Variants in MME observed in about 807,000 individuals in gnomAD.
The protein encoded by MME is neprilysin.
MME carries 98 observed loss-of-function variants against 113.2 expected under a neutral mutation model. That is an observed-to-expected ratio of 0.87 (90% CI 0.74 to 1.02). The LOEUF (loss-of-function observed/expected upper bound fraction) is 1.02, where lower values mean the gene tolerates loss of function less well. Ranked by LOEUF, MME falls within the 50% of genes least tolerant of loss-of-function variation. The pLI, the probability that MME is intolerant of heterozygous loss-of-function variation, is 0.00. For synonymous variants in MME, 292 were observed against 300.6 expected, an observed-to-expected ratio of 0.97 and a Z score of 0.30; for missense variants, 836 against 896.0, an observed-to-expected ratio of 0.93 and a Z score of 0.86.
At chr3:155,088,765 A>C (rs1011334548) in intron 3 of MME, among the ~76,000 whole-genome samples, 11 of 152,142 alleles carry the variant, frequency 7.2e-5, no homozygotes, top group African/African-American at 2.7e-4. Flanking sequence ...GCAAGTCTAT[A>C]GGTCACTTTA....
At chr3:155,077,419 C>T (rs1171195452), upstream of MME, among the ~76,000 whole-genome samples, 1 of 152,102 alleles carries the variant, frequency 6.6e-6, no homozygotes, top group East Asian at 1.9e-4. Context: ...CTCAGTAAGC[C>T]TCAGTTGTCT....
intron 22 of MME, among the ~76,000 whole-genome samples, chr3:155,175,177 G>C (rs1712398658): frequency 6.6e-6 from 1 of 151,658 alleles, no homozygotes; most frequent in African/African-American, 2.4e-5. Context: ...ATTAGTTATG[G>C]TTTTACTGTT....
chr3:155,172,473 TCAAA>T (rs773476013), intron 21 of MME, 59 bp from the exon 22 acceptor site: 410 of 1,326,786 alleles, frequency 3.1e-4, no homozygotes, highest in Non-Finnish European at 3.8e-4. Flanking sequence ...CTCAACTTGC[TCAAA>T]CAAATAATCC....
chr3:155,067,613 T>C (rs1714428716), intron 1 of MME, among the ~76,000 whole-genome samples: 1 of 152,058 alleles, frequency 6.6e-6, no homozygotes, highest in African/African-American at 2.4e-5. Context: ...CCGGCCCTTA[T>C]TTTCCTTTTG....
upstream of MME, among the ~76,000 whole-genome samples, chr3:155,075,734 G>T (rs1380658841): frequency 1.3e-5 from 2 of 152,040 alleles, no homozygotes; most frequent in Non-Finnish European, 2.9e-5. Context: ...TGTTGCTCAG[G>T]CTGGTCTCAA....
intron 8 of MME, among the ~76,000 whole-genome samples, chr3:155,124,604 A>C (rs547559752): frequency 6.6e-6 from 1 of 151,988 alleles, no homozygotes; most frequent in Non-Finnish European, 1.5e-5. Context: ...TTTGGTGTGG[A>C]TGTCCTTTCT....
intron 22 of MME, among the ~76,000 whole-genome samples, chr3:155,177,663 C>T (rs1231846098): frequency 6.6e-6 from 1 of 152,148 alleles, no homozygotes; most frequent in Non-Finnish European, 1.5e-5. Flanking sequence ...TCTCCTTGTA[C>T]TCTCACATGG....
intron 1 of MME, among the ~76,000 whole-genome samples, chr3:155,064,333 T>C (rs1033571582): frequency 3.3e-5 from 5 of 152,074 alleles, no homozygotes; most frequent in Non-Finnish European, 5.9e-5. Context: ...TATGTATATA[T>C]GTAAGCACTG....
rs73874484 is a variant in MME, at chr3:155,053,944, C to G, written c.-11+29620C>G. ...TTTGCACTTGCTTCAAACCAGTAACCCTTTTATAACTTCCAATTTCTCCCT... is the reference window on the plus strand; with the variant it reads ...TTTGCACTTGCTTCAAACCAGTAACGCTTTTATAACTTCCAATTTCTCCCT... On this transcript the variant is annotated intron_variant, in intron 1 of 22. Transcript: ENST00000492661. Among the ~76,000 whole-genome samples, 326 of 152,252 alleles carry G rather than the reference C, an allele frequency of 2.1e-3. 1 individual carries two copies. Among genetic ancestry groups the G allele is most frequent in the African/African-American group, 7.6e-3 (314 of 41,544 alleles).
At chr3:155,127,980 A>T (rs1442364279) in intron 8 of MME, among the ~76,000 whole-genome samples, 1 of 152,224 alleles carries the variant, frequency 6.6e-6, no homozygotes, top group African/African-American at 2.4e-5. Flanking sequence ...TCTGAATCAG[A>T]CTAGCAAACA....
intron 17 of MME, among the ~76,000 whole-genome samples, chr3:155,166,453 A>G (rs61760391): frequency 1.3e-5 from 2 of 152,196 alleles, no homozygotes; most frequent in East Asian, 1.9e-4. Flanking sequence ...AATTTCTGCA[A>G]TAACATTAAA....
chr3:155,049,663 CTATCTATCTATA>C (rs1713689283), intron 1 of MME, among the ~76,000 whole-genome samples: 2 of 136,486 alleles, frequency 1.5e-5, no homozygotes, highest in Non-Finnish European at 3.3e-5. Flanking sequence ...ATCTATCTAT[CTATCTATCTATA>C]TATAGAGAGA....
intron 1 of MME, among the ~76,000 whole-genome samples, chr3:155,028,615 C>T (rs1249188249): frequency 1.3e-5 from 2 of 152,102 alleles, no homozygotes; most frequent in African/African-American, 2.4e-5. Flanking sequence ...TTTTCCAAGT[C>T]TTGTATCTTG....
At chr3:155,106,969 A>G (rs1374891321) in intron 3 of MME, among the ~76,000 whole-genome samples, 3 of 152,240 alleles carry the variant, frequency 2.0e-5, no homozygotes, top group Non-Finnish European at 4.4e-5. Flanking sequence ...GGGGTTAGGA[A>G]GCTGAGAGCT....
At position 155,183,516 on chromosome 3, in the gene MME, G is replaced by A. The variant is rs1293184567; in HGVS notation, c.*3057G>A. ...TGCTGTTACTGTTAACCATTTAAGT[G>A]GGGCAAAACCTTGCTAATTTTCTCA... On this transcript the variant is annotated 3_prime_UTR_variant, in exon 23 of 23. Coordinates refer to ENST00000360490, the MANE Select transcript of MME (RefSeq NM_007289.4). The A allele has an allele frequency of 6.6e-6, 1 of 152,128 alleles. No individual in the cohort carries two copies. The highest frequency in any genetic ancestry group is 1.5e-5 in the Non-Finnish European group (1 of 68,028). The allele number at this position is 152,128 out of a possible 1,614,324, so 9.4% of individuals were successfully genotyped here.
chr3:155,131,482 T>C (rs1720141338), intron 8 of MME, among the ~76,000 whole-genome samples: 1 of 152,100 alleles, frequency 6.6e-6, no homozygotes, highest in African/African-American at 2.4e-5. Context: ...AATCTGTGTT[T>C]AAGAAAACAA....
rs149071694 is a variant in MME at position 155,071,361 on chromosome 3, G to A, written c.-10-12797G>A. On this transcript the variant is annotated intron_variant, in intron 1 of 22. Coordinates refer to the MME transcript ENST00000492661. ...ATCAGCACATGGAACAGTTTAGCCA[G>A]GGAATAGGCCCAATTCTATGTTTTG... Among the ~76,000 whole-genome samples, 196 of 152,278 alleles carry A rather than the reference G, an allele frequency of 1.3e-3. 4 individuals are homozygous for A. The highest frequency in any genetic ancestry group is 3.9e-3 in the African/African-American group (163 of 41,550).
intron 1 of MME, 119 bp from the exon 2 acceptor site, chr3:155,084,039 A>C: frequency 3.0e-6 from 3 of 1,007,090 alleles, no homozygotes; most frequent in Non-Finnish European, 4.5e-6. Context: ...TCAACAGCAA[A>C]AATGTATTTC....
intron 13 of MME, 119 bp from the exon 14 acceptor site, chr3:155,144,240 T>C (rs1225059086): frequency 5.4e-6 from 4 of 738,110 alleles, no homozygotes; most frequent in African/African-American, 1.8e-5. Context: ...AGTTTGTCTA[T>C]AAATTTACGT....
Sources: gnomAD v4.1 joint callset for allele counts (sites outside exome capture counted in the v4.1 genomes callset) on GRCh38, gnomAD v4.1.1 for gene constraint, MANE v1.5 for transcripts, NCBI Gene and HGNC (gene_info 2026-07-23, HGNC 2026-07-21) for gene names.